The following TMEM161B variants were observed in gnomAD, a reference collection of about 807,000 sequenced individuals.
The protein encoded by TMEM161B is transmembrane protein 161B.
Under a neutral mutation model 61.8 loss-of-function variants are expected in TMEM161B, and 34 were observed. That is an observed-to-expected ratio of 0.55 (90% confidence interval 0.42 to 0.73). TMEM161B has a LOEUF of 0.73. Among genes scored for constraint, TMEM161B ranks in the 30% least tolerant of loss-of-function variants. The pLI is 0.00. For synonymous variants in TMEM161B, 167 were observed against 192.8 expected (o/e 0.87, Z 1.11); for missense variants, 456 against 558.5 (o/e 0.82, Z 1.85).
chr5:88,258,797 C>T (rs1755322086), intron 1 of TMEM161B, among the ~76,000 whole-genome samples: 1 of 152,070 alleles, frequency 6.6e-6, no homozygotes. Flanking sequence ...CAAATGGTGG[C>T]AATCACCAGG....
downstream of TMEM161B, among the ~76,000 whole-genome samples, chr5:88,189,324 C>T (rs1022808123): frequency 2.0e-5 from 3 of 152,104 alleles, no homozygotes; most frequent in South Asian, 2.1e-4. Flanking sequence ...CCTCATGCTT[C>T]GGCTATGCGT....
At position 88,195,953 on chromosome 5, in the gene TMEM161B, T is replaced by C. The variant is rs1281474276; in HGVS notation, c.*258A>G. The C allele has an allele frequency of 3.3e-6, 4 of 1,215,408 alleles. No individual in the cohort carries two copies. The highest frequency in any genetic ancestry group is 4.4e-5 in the East Asian group (1 of 22,512). The allele number at this position is 1,215,408 out of a possible 1,614,324, so 75.3% of individuals were successfully genotyped here. A position where few individuals can be genotyped will look rare whatever the true frequency, so the allele number is the denominator to read the frequency against. On this transcript the variant is annotated 3_prime_UTR_variant, in exon 12 of 12. Transcript: ENST00000296595. ...TAATCAGAAATATTACCCTTGTAGA[T>C]AGCCCTCTCATACCAGTAAATACAA...
intron 1 of TMEM161B, among the ~76,000 whole-genome samples, chr5:88,244,940 A>G (rs1753367536): frequency 6.6e-6 from 1 of 151,514 alleles, no homozygotes; most frequent in Admixed American, 6.6e-5. Context: ...CTGGCTCTCA[A>G]CTTGGAGTTG....
At chr5:88,190,710 T>C (rs1237026948), downstream of TMEM161B, among the ~76,000 whole-genome samples, 1 of 152,226 alleles carries the variant, frequency 6.6e-6, no homozygotes, top group Non-Finnish European at 1.5e-5. Flanking sequence ...AGATTTCTTG[T>C]TGATATTCTA....
chr5:88,263,147 C>G (rs1045448493), intron 1 of TMEM161B, among the ~76,000 whole-genome samples: 2 of 151,986 alleles, frequency 1.3e-5, no homozygotes, highest in African/African-American at 4.8e-5. Flanking sequence ...AATATGGGTA[C>G]CAGGCACGTG....
intron 8 of TMEM161B, 41 bp downstream of exon 8, chr5:88,205,773 A>C (rs775791789): frequency 5.1e-5 from 82 of 1,599,978 alleles, no homozygotes; most frequent in Non-Finnish European, 6.3e-5. Flanking sequence ...GATGGAAAAC[A>C]TATATTTATC....
At chr5:88,200,776 T>C (rs1202361309) in intron 9 of TMEM161B, 1 of 152,112 alleles carries the variant, frequency 6.6e-6, no homozygotes, top group Admixed American at 6.6e-5. Context: ...CTTTCCTGTA[T>C]ATGCTGTGTT....
At chr5:88,261,448 GA>G (rs1171961083) in intron 1 of TMEM161B, among the ~76,000 whole-genome samples, 1 of 151,852 alleles carries the variant, frequency 6.6e-6, no homozygotes, top group Non-Finnish European at 1.5e-5. Flanking sequence ...AGGTTAATTT[GA>G]AGAGGCAAAA....
intron 1 of TMEM161B, among the ~76,000 whole-genome samples, chr5:88,244,346 T>C (rs1753248569): frequency 6.6e-6 from 1 of 151,966 alleles, no homozygotes; most frequent in South Asian, 2.1e-4. Flanking sequence ...TTTAATCATC[T>C]GCATATGGCT....
At chr5:88,225,124 C>T (rs557027756) in intron 4 of TMEM161B, among the ~76,000 whole-genome samples, 10 of 152,006 alleles carry the variant, frequency 6.6e-5, no homozygotes, top group East Asian at 3.9e-4. Flanking sequence ...CCTGCCACCA[C>T]GCCTGGCTAA....
At chr5:88,230,439 T>C (rs1328876114) in intron 2 of TMEM161B, among the ~76,000 whole-genome samples, 1 of 152,186 alleles carries the variant, frequency 6.6e-6, no homozygotes, top group Non-Finnish European at 1.5e-5. Flanking sequence ...CTACTCCTTG[T>C]ATACTTGAAA....
intron 2 of TMEM161B, among the ~76,000 whole-genome samples, chr5:88,233,021 A>G (rs1040890994): frequency 7.2e-5 from 11 of 152,198 alleles, no homozygotes; most frequent in African/African-American, 2.7e-4. Flanking sequence ...TCAAAGTTGG[A>G]ATCTAAGGAT....
chr5:88,219,168 T>A (rs1748464905), intron 5 of TMEM161B, among the ~76,000 whole-genome samples: 1 of 152,256 alleles, frequency 6.6e-6, no homozygotes, highest in African/African-American at 2.4e-5. Flanking sequence ...AGTATTCATC[T>A]GTGAATGGTG....
At chr5:88,201,919 G>T (rs1190378614) in intron 9 of TMEM161B, 1 of 227,440 alleles carries the variant, frequency 4.4e-6, no homozygotes, top group African/African-American at 2.3e-5. Flanking sequence ...AGACAAACTG[G>T]TACCAGGATC....
At chr5:88,242,105 C>T (rs1226174807) in intron 1 of TMEM161B, among the ~76,000 whole-genome samples, 1 of 151,706 alleles carries the variant, frequency 6.6e-6, no homozygotes, top group African/African-American at 2.4e-5. Flanking sequence ...AAGTCTCTTT[C>T]ATTTTTTCTA....
chr5:88,192,337 G>A (rs991801920), downstream of TMEM161B, among the ~76,000 whole-genome samples: 3 of 151,910 alleles, frequency 2.0e-5, no homozygotes, highest in African/African-American at 7.3e-5. Context: ...TAAAAAAGGA[G>A]TCCCATGGTA....
intron 2 of TMEM161B, among the ~76,000 whole-genome samples, chr5:88,229,580 C>A (rs972374245): frequency 6.6e-6 from 1 of 150,650 alleles, no homozygotes; most frequent in Non-Finnish European, 1.5e-5. Context: ...CTGTTTAAAT[C>A]ATTTCCAAGG....
chr5:88,191,006 T>C (rs74578393), downstream of TMEM161B, among the ~76,000 whole-genome samples: 60 of 152,360 alleles, frequency 3.9e-4, 2 homozygotes, highest in East Asian at 0.011. Flanking sequence ...TTGTGAACTT[T>C]AAATATGCTG....
chr5:88,225,666 T>TTCCATATTC, intron 4 of TMEM161B, 103 bp downstream of exon 4: 1 of 653,808 alleles, frequency 1.5e-6, no homozygotes. Flanking sequence ...CTTAGAAAGA[T>TTCCATATTC]TCCATATTCT....
Sources: allele counts gnomAD v4.1 joint callset (sites outside exome capture counted in the v4.1 genomes callset), GRCh38; gene constraint gnomAD v4.1.1; transcripts MANE v1.5; gene names NCBI Gene and HGNC (gene_info 2026-07-23, HGNC 2026-07-21).